Variants in SPIDR observed in about 807,000 individuals in gnomAD.
The protein encoded by SPIDR is DNA repair-scaffolding protein.
In SPIDR, 93 loss-of-function variants were observed where a neutral mutation model predicts 104.6. The ratio of observed to expected loss-of-function variants is 0.89; its 90% CI spans 0.75 to 1.06. SPIDR has a LOEUF of 1.06. SPIDR is among the 50% of genes least tolerant of loss of function. The pLI is 0.00. For missense variants in SPIDR, 1,154 were observed against 1,111.2 expected (o/e 1.04, Z -0.55); for synonymous variants, 431 against 416.9 (o/e 1.03, Z -0.41).
chr8:47,605,346 G>A (rs1234438229), intron 10 of SPIDR, among the ~76,000 whole-genome samples: 1 of 152,184 alleles, frequency 6.6e-6, no homozygotes, highest in Non-Finnish European at 1.5e-5. Context: ...TCACGAGCAG[G>A]AGGTGTAGGG....
chr8:47,385,362 T>G (rs1333248354), intron 5 of SPIDR, among the ~76,000 whole-genome samples: 2 of 152,240 alleles, frequency 1.3e-5, no homozygotes, highest in Non-Finnish European at 2.9e-5. Flanking sequence ...TTTTCTTGTA[T>G]AAATACCATA....
chr8:47,612,410 G>A (rs1025619292), intron 10 of SPIDR, among the ~76,000 whole-genome samples: 7 of 152,114 alleles, frequency 4.6e-5, no homozygotes, highest in African/African-American at 1.2e-4. Context: ...ATTTTTGAAC[G>A]TAATTCTGGC....
intron 1 of SPIDR, among the ~76,000 whole-genome samples, chr8:47,268,719 A>G (rs2034615864): frequency 3.3e-5 from 5 of 152,176 alleles, no homozygotes. Context: ...TGGCCTCCCA[A>G]AGCTCTGGGA....
intron 10 of SPIDR, among the ~76,000 whole-genome samples, chr8:47,617,144 A>G (rs2064438275): frequency 6.6e-6 from 1 of 152,210 alleles, no homozygotes; most frequent in Admixed American, 6.5e-5. Context: ...AACATGATGT[A>G]TCTCTGCTGG....
chr8:47,408,198 C>T (rs1554668696), intron 7 of SPIDR, among the ~76,000 whole-genome samples: 1 of 151,890 alleles, frequency 6.6e-6, no homozygotes, highest in Admixed American at 6.6e-5. Context: ...ATAAATCTAC[C>T]CTTGACCTCC....
At chr8:47,417,187 C>T (rs2064498709) in intron 7 of SPIDR, among the ~76,000 whole-genome samples, 1 of 152,132 alleles carries the variant, frequency 6.6e-6, no homozygotes, top group African/African-American at 2.4e-5. Context: ...TTCTAGATCC[C>T]TGAGGAATCG....
intron 5 of SPIDR, among the ~76,000 whole-genome samples, chr8:47,366,945 T>C (rs2057310855): frequency 6.6e-6 from 1 of 152,238 alleles, no homozygotes; most frequent in African/African-American, 2.4e-5. Flanking sequence ...GTAGGTAGAA[T>C]TCTAAATGAC....
chr8:47,479,470 A>G (rs1032828035), intron 8 of SPIDR, among the ~76,000 whole-genome samples: 4 of 152,224 alleles, frequency 2.6e-5, no homozygotes, highest in Non-Finnish European at 5.9e-5. Flanking sequence ...TCTGACTCCC[A>G]TAGCAGGTAC....
chr8:47,637,463 G>A (rs2068120390), intron 10 of SPIDR, among the ~76,000 whole-genome samples: 2 of 152,048 alleles, frequency 1.3e-5, no homozygotes, highest in East Asian at 1.9e-4. Context: ...CCAGCTACTC[G>A]GGAGGCTGAG....
intron 10 of SPIDR, among the ~76,000 whole-genome samples, chr8:47,669,613 A>G (rs2075528080): frequency 6.6e-6 from 1 of 152,246 alleles, no homozygotes; most frequent in Admixed American, 6.5e-5. Context: ...AGCCAGTTCC[A>G]TACCTCTCCC....
intron 10 of SPIDR, among the ~76,000 whole-genome samples, chr8:47,633,275 T>A (rs1588624957): frequency 6.6e-6 from 1 of 152,242 alleles, no homozygotes; most frequent in South Asian, 2.1e-4. Flanking sequence ...AAAATATTTA[T>A]AAACAAAAAG....
At chr8:47,657,187 C>T (rs371583131) in intron 10 of SPIDR, among the ~76,000 whole-genome samples, 1 of 152,070 alleles carries the variant, frequency 6.6e-6, no homozygotes, top group Non-Finnish European at 1.5e-5. Context: ...ACAATATAAA[C>T]AGGTCCATTC....
At chr8:47,507,352 A>G (rs1045908668) in intron 8 of SPIDR, among the ~76,000 whole-genome samples, 1 of 152,206 alleles carries the variant, frequency 6.6e-6, no homozygotes, top group African/African-American at 2.4e-5. Context: ...TTGATACCTC[A>G]TGCCATCTCT....
chr8:47,686,831 T>G (rs1464512966), intron 11 of SPIDR, among the ~76,000 whole-genome samples: 1 of 152,204 alleles, frequency 6.6e-6, no homozygotes, highest in Non-Finnish European at 1.5e-5. Flanking sequence ...TTCCACTGTT[T>G]TTGTTAAACA....
chr8:47,335,010 G>A (rs1411016200), intron 5 of SPIDR, among the ~76,000 whole-genome samples: 2 of 152,116 alleles, frequency 1.3e-5, no homozygotes, highest in Non-Finnish European at 2.9e-5. Flanking sequence ...ATAATGTGGA[G>A]TATAATAGCA....
rs1223934516 is a variant in SPIDR, at chr8:47,563,643, C to T, written c.1098-32168C>T. 2.0e-5 allele frequency among the ~76,000 whole-genome samples: 3 copies of T among 152,152 alleles called. No individual in the cohort carries two copies. In the East Asian group the frequency reaches 5.8e-4, roughly 29 times the overall value. ...GGTGCTAGTGGTTAAGAAAATAAGACTTAGAATCTGCAAGGGTCCAGATCG... is the reference window on the plus strand; with the variant it reads ...GGTGCTAGTGGTTAAGAAAATAAGATTTAGAATCTGCAAGGGTCCAGATCG... On this transcript the variant is annotated intron_variant, in intron 8 of 19. Transcript: ENST00000297423.
At chr8:47,377,021 T>A (rs1173565386) in intron 5 of SPIDR, among the ~76,000 whole-genome samples, 2 of 152,176 alleles carry the variant, frequency 1.3e-5, no homozygotes. Flanking sequence ...AGACACTGCA[T>A]GGCCCACAAA....
chr8:47,343,267 G>T (rs983685922), intron 5 of SPIDR, among the ~76,000 whole-genome samples: 1 of 152,128 alleles, frequency 6.6e-6, no homozygotes, highest in Admixed American at 6.5e-5. Flanking sequence ...TTGACATCAG[G>T]TATCTGAAAG....
chr8:47,702,098 T>TACACACACACACAC (rs3062665), intron 14 of SPIDR, 83 bp downstream of exon 14: 1 of 62,942 alleles, frequency 1.6e-5, no homozygotes, highest in African/African-American at 7.5e-5. Flanking sequence ...CTCTCTCTCT[T>TACACACACACACAC]ACACACACAC....
Sources: allele counts gnomAD v4.1 joint callset (sites outside exome capture counted in the v4.1 genomes callset), GRCh38; gene constraint gnomAD v4.1.1; transcripts MANE v1.5; gene names NCBI Gene and HGNC (gene_info 2026-07-23, HGNC 2026-07-21).